RGS6: variants seen among roughly 807,000 people sequenced by gnomAD.
The protein encoded by RGS6 is regulator of G protein signaling 6.
RGS6 carries 30 observed loss-of-function variants against 78.5 expected under a neutral mutation model. That is an observed-to-expected ratio of 0.38 (90% confidence interval 0.29 to 0.52). The LOEUF is 0.52. Ranked by LOEUF, RGS6 falls within the 20% of genes least tolerant of loss-of-function variation. The pLI, the probability that RGS6 is intolerant of heterozygous loss-of-function variation, is 0.85. For synonymous variants in RGS6, 206 were observed against 206.0 expected, an observed-to-expected ratio of 1.00 and a Z score of 0.00; for missense variants, 495 against 609.7, an observed-to-expected ratio of 0.81 and a Z score of 1.98.
intron 2 of RGS6, among the ~76,000 whole-genome samples, chr14:72,050,144 A>G (rs2093137274): frequency 6.6e-6 from 1 of 152,206 alleles, no homozygotes; most frequent in Non-Finnish European, 1.5e-5. Flanking sequence ...GTAAACTGAA[A>G]TGTGACAGAA....
At chr14:71,895,247 G>A in the RGS6 span, among the ~76,000 whole-genome samples, 1 of 152,136 alleles carries the variant, frequency 6.6e-6, no homozygotes, top group Non-Finnish European at 1.5e-5. Context: ...GCAGTGGCGT[G>A]ATCTTGGTTC....
intron 2 of RGS6, among the ~76,000 whole-genome samples, chr14:71,968,893 G>A (rs1317506873): frequency 6.6e-6 from 1 of 152,196 alleles, no homozygotes; most frequent in Non-Finnish European, 1.5e-5. Context: ...TGTTACATAT[G>A]TATACATGTG....
rs578016320 is a variant in RGS6, at chr14:72,435,874, C to A, written c.185-18654C>A. Among the ~76,000 whole-genome samples, 15 of 151,874 alleles carry A rather than the reference C, an allele frequency of 9.9e-5. No individual in the cohort carries two copies. The South Asian group carries it at 2.3e-3, about 23-fold the overall frequency. On this transcript the variant is annotated intron_variant, in intron 3 of 17. Transcript: ENST00000553525. ...TGGATAATCTCTCCATCTTGAGGTC[C>A]TTAATCACATCTGTAAAGTCCCTTT...
At chr14:72,249,674 A>G (rs764084541) in intron 2 of RGS6, among the ~76,000 whole-genome samples, 1 of 152,134 alleles carries the variant, frequency 6.6e-6, no homozygotes, top group African/African-American at 2.4e-5. Context: ...TGTATTTTTT[A>G]TGGCCTTTTG....
chr14:71,939,840 TCTC>T (rs1169819402), intron 1 of RGS6, among the ~76,000 whole-genome samples: 2 of 152,202 alleles, frequency 1.3e-5, no homozygotes, highest in African/African-American at 2.4e-5. Context: ...GTGGCACTAA[TCTC>T]CTCAGTCCCT....
At chr14:72,276,325 A>C (rs753720619) in intron 2 of RGS6, among the ~76,000 whole-genome samples, 5 of 152,256 alleles carry the variant, frequency 3.3e-5, no homozygotes, top group African/African-American at 7.2e-5. Flanking sequence ...GGGGCAATGT[A>C]GCCCCCTAAG....
chr14:72,135,872 G>A (rs1255230442), intron 2 of RGS6, among the ~76,000 whole-genome samples: 1 of 152,084 alleles, frequency 6.6e-6, no homozygotes, highest in Non-Finnish European at 1.5e-5. Flanking sequence ...AAAAGAGGAG[G>A]AAGAGGAGGA....
chr14:71,971,815 T>A (rs996371604), intron 2 of RGS6, among the ~76,000 whole-genome samples: 6 of 151,896 alleles, frequency 4.0e-5, no homozygotes, highest in South Asian at 2.1e-4. Flanking sequence ...GTTGGAATGG[T>A]GGACTCGGTT....
At chr14:72,494,069 A>C (rs1438059689) in intron 12 of RGS6, among the ~76,000 whole-genome samples, 2 of 152,256 alleles carry the variant, frequency 1.3e-5, no homozygotes, top group East Asian at 1.9e-4. Flanking sequence ...AGTTTCGAGC[A>C]AGAAGACTAA....
At chr14:72,130,835 A>C (rs2096298431) in intron 2 of RGS6, among the ~76,000 whole-genome samples, 1 of 152,248 alleles carries the variant, frequency 6.6e-6, no homozygotes. Context: ...TTACGTATAC[A>C]TAAACGGATG....
At chr14:72,077,257 A>G (rs1243908604) in intron 2 of RGS6, among the ~76,000 whole-genome samples, 1 of 152,088 alleles carries the variant, frequency 6.6e-6, no homozygotes, top group African/African-American at 2.4e-5. Context: ...TTCCATCTTA[A>G]TAGTTTTGCT....
chr14:71,964,528 C>T (rs1469088797), intron 1 of RGS6, among the ~76,000 whole-genome samples: 6 of 152,114 alleles, frequency 3.9e-5, no homozygotes, highest in African/African-American at 1.4e-4. Flanking sequence ...AAACAAAACA[C>T]TGCTGTATAT....
chr14:72,084,331 G>A lies in RGS6; in HGVS notation c.84+119456G>A, dbSNP rs769709295. On this transcript the variant is annotated intron_variant, in intron 2 of 17. Transcript: ENST00000553525. Reference sequence around the variant, plus strand: ...AGGTGGTAATGCTCACTCACCCACCGCCCACCTCCTGCTATGCAGCCCAGT... The same window carrying A: ...AGGTGGTAATGCTCACTCACCCACCACCCACCTCCTGCTATGCAGCCCAGT... 4.6e-5 allele frequency among the ~76,000 whole-genome samples: 7 copies of A among 152,244 alleles called. No homozygotes were observed. The East Asian group carries it at 5.8e-4, about 13-fold the overall frequency.
intron 2 of RGS6, among the ~76,000 whole-genome samples, chr14:72,169,318 G>A (rs573900530): frequency 6.6e-6 from 1 of 152,094 alleles, no homozygotes; most frequent in East Asian, 1.9e-4. Context: ...AAGCTCTGTG[G>A]AATTACAATA....
chr14:72,397,834 T>C (rs1191068846), intron 3 of RGS6, among the ~76,000 whole-genome samples: 1 of 152,218 alleles, frequency 6.6e-6, no homozygotes, highest in Non-Finnish European at 1.5e-5. Context: ...TTTGGTTCTG[T>C]TTATATGCTG....
At chr14:72,098,645 G>A (rs978267286) in intron 2 of RGS6, among the ~76,000 whole-genome samples, 2 of 152,180 alleles carry the variant, frequency 1.3e-5, no homozygotes, top group East Asian at 3.8e-4. Context: ...AAAATACAGA[G>A]TTCCAGTTTC....
At chr14:72,259,771 C>T (rs895267683) in intron 2 of RGS6, among the ~76,000 whole-genome samples, 1 of 151,842 alleles carries the variant, frequency 6.6e-6, no homozygotes, top group South Asian at 2.1e-4. Context: ...ATTAGCCAGG[C>T]GCGGTGGCAG....
intron 9 of RGS6, 149 bp from the exon 10 acceptor site, chr14:72,474,476 G>C (rs1001244494): frequency 1.5e-6 from 1 of 673,734 alleles, no homozygotes; most frequent in African/African-American, 1.8e-5. Context: ...ACTCCACAGA[G>C]GAATGCATAT....
chr14:72,048,869 A>G (rs919613618), intron 2 of RGS6, among the ~76,000 whole-genome samples: 1 of 152,190 alleles, frequency 6.6e-6, no homozygotes, highest in Non-Finnish European at 1.5e-5. Context: ...AAAAACCTCT[A>G]TAATCCCATC....
Sources: allele counts gnomAD v4.1 joint callset (sites outside exome capture counted in the v4.1 genomes callset), GRCh38; gene constraint gnomAD v4.1.1; transcripts MANE v1.5; gene names NCBI Gene and HGNC (gene_info 2026-07-23, HGNC 2026-07-21).